Variants in CDH13 observed in about 807,000 individuals in gnomAD.
The protein encoded by CDH13 is cadherin-13.
CDH13 carries 24 observed loss-of-function variants against 63.8 expected under a neutral mutation model. That is an observed-to-expected ratio of 0.38 (90% CI 0.27 to 0.53). The LOEUF (loss-of-function observed/expected upper bound fraction) is 0.53. Ranked by LOEUF, CDH13 falls within the 20% of genes least tolerant of loss-of-function variation. The pLI is 0.85. For missense variants in CDH13, 1,049 were observed against 903.1 expected (o/e 1.16, Z -2.07); for synonymous variants, 503 against 355.3 (o/e 1.42, Z -4.67).
At chr16:83,009,347 T>C (rs981770437) in intron 2 of CDH13, among the ~76,000 whole-genome samples, 35 of 152,360 alleles carry the variant, frequency 2.3e-4, no homozygotes, top group Admixed American at 1.5e-3. Context: ...GTTTAGATTA[T>C]GATATTTATT....
intron 10 of CDH13, among the ~76,000 whole-genome samples, chr16:83,731,511 GT>G (rs1278681871): frequency 1.3e-5 from 2 of 152,204 alleles, no homozygotes; most frequent in African/African-American, 4.8e-5. Context: ...TAATGGGGTA[GT>G]TGTTTGCTTG....
intron 1 of CDH13, among the ~76,000 whole-genome samples, chr16:82,636,824 C>T (rs1908711782): frequency 6.6e-6 from 1 of 152,176 alleles, no homozygotes; most frequent in Non-Finnish European, 1.5e-5. Context: ...TGTAAATACT[C>T]CCGTCATGGG....
chr16:83,651,515 A>T (rs1912370467), intron 8 of CDH13, among the ~76,000 whole-genome samples: 1 of 151,962 alleles, frequency 6.6e-6, no homozygotes. Context: ...GCCAAAAGTC[A>T]CAAAGATAAC....
At chr16:83,599,925 T>C (rs1340124865) in intron 7 of CDH13, among the ~76,000 whole-genome samples, 1 of 152,144 alleles carries the variant, frequency 6.6e-6, no homozygotes, top group Non-Finnish European at 1.5e-5. Flanking sequence ...ATTTTAAAGG[T>C]AGCCAATTTA....
chr16:83,165,346 G>A (rs986786241), intron 4 of CDH13, among the ~76,000 whole-genome samples: 1 of 151,784 alleles, frequency 6.6e-6, no homozygotes, highest in African/African-American at 2.4e-5. Context: ...GATGATAGAT[G>A]ATGGATATTC....
At chr16:82,771,046 T>A (rs951197791) in intron 1 of CDH13, among the ~76,000 whole-genome samples, 8 of 152,222 alleles carry the variant, frequency 5.3e-5, no homozygotes, top group African/African-American at 1.4e-4. Context: ...TGTATATTTT[T>A]AAAAAATTAA....
intron 1 of CDH13, among the ~76,000 whole-genome samples, chr16:82,667,636 C>A (rs918383672): frequency 6.6e-6 from 1 of 152,144 alleles, no homozygotes; most frequent in Admixed American, 6.5e-5. Context: ...TGAAGTTGGA[C>A]AGAGCCCAGG....
At chr16:83,341,898 C>G (rs1259604527) in intron 5 of CDH13, among the ~76,000 whole-genome samples, 1 of 151,866 alleles carries the variant, frequency 6.6e-6, no homozygotes, top group Non-Finnish European at 1.5e-5. Context: ...ATGGCTATCT[C>G]TTTCCACTTT....
At chr16:83,421,929 A>G (rs2071727845) in intron 6 of CDH13, among the ~76,000 whole-genome samples, 1 of 152,234 alleles carries the variant, frequency 6.6e-6, no homozygotes. Context: ...GGCAATCCTT[A>G]GCCATGATAT....
intron 7 of CDH13, among the ~76,000 whole-genome samples, chr16:83,547,910 G>A (rs2075417880): frequency 6.6e-6 from 1 of 152,140 alleles, no homozygotes; most frequent in African/African-American, 2.4e-5. Flanking sequence ...CTGGGGGAGG[G>A]AAATGGTATA....
chr16:82,932,292 C>A (rs2042522481), intron 2 of CDH13, among the ~76,000 whole-genome samples: 1 of 152,106 alleles, frequency 6.6e-6, no homozygotes. Flanking sequence ...TAGCTGGGCA[C>A]CTTATTATTG....
chr16:83,752,773 C>T (rs1244072070), intron 11 of CDH13, among the ~76,000 whole-genome samples: 1 of 152,144 alleles, frequency 6.6e-6, no homozygotes, highest in Non-Finnish European at 1.5e-5. Flanking sequence ...CTACTTATAA[C>T]GTTGTGAGAA....
intron 5 of CDH13, among the ~76,000 whole-genome samples, chr16:83,300,645 C>G (rs1447538473): frequency 1.3e-5 from 2 of 152,158 alleles, no homozygotes. Context: ...CCTCCCAGAA[C>G]CTAGTATCTT....
chr16:83,127,468 G>A (rs1044979900), intron 4 of CDH13, among the ~76,000 whole-genome samples: 8 of 152,186 alleles, frequency 5.3e-5, no homozygotes, highest in Non-Finnish European at 1.0e-4. Flanking sequence ...GGTGGTTCAC[G>A]CCTGTAATCC....
chr16:83,085,176 A>T (rs1041582640), intron 3 of CDH13, among the ~76,000 whole-genome samples: 1 of 151,982 alleles, frequency 6.6e-6, no homozygotes, highest in Non-Finnish European at 1.5e-5. Context: ...TAGAATCATG[A>T]CAGGGGGCAA....
chr16:83,332,094 T>C (rs1413869075), intron 5 of CDH13, among the ~76,000 whole-genome samples: 1 of 152,182 alleles, frequency 6.6e-6, no homozygotes, highest in East Asian at 1.9e-4. Flanking sequence ...TATGAACTTT[T>C]TCTAATTATT....
chr16:83,250,364 G>C (rs1196278826), intron 5 of CDH13, among the ~76,000 whole-genome samples: 1 of 152,160 alleles, frequency 6.6e-6, no homozygotes, highest in African/African-American at 2.4e-5. Context: ...ATATAGGCAA[G>C]ATCTTAGCTT....
At chr16:83,254,783 A>G (rs998148230) in intron 5 of CDH13, among the ~76,000 whole-genome samples, 3 of 152,174 alleles carry the variant, frequency 2.0e-5, no homozygotes, top group East Asian at 1.9e-4. Context: ...AGCTTTGCCT[A>G]TTGGCTGACT....
chr16:83,266,839 ACT>A (rs1448362046), intron 5 of CDH13, among the ~76,000 whole-genome samples: 2 of 151,930 alleles, frequency 1.3e-5, no homozygotes, highest in Admixed American at 1.3e-4. Context: ...TGAGGTCCAC[ACT>A]CTTCACTCAC....
Sources: gnomAD v4.1 joint callset for allele counts (sites outside exome capture counted in the v4.1 genomes callset) on GRCh38, gnomAD v4.1.1 for gene constraint, MANE v1.5 for transcripts, NCBI Gene and HGNC (gene_info 2026-07-23, HGNC 2026-07-21) for gene names.